The following EP400 variants were observed in gnomAD, a reference collection of about 807,000 sequenced individuals.
The protein encoded by EP400 is E1A binding protein p400, also known as E1A-binding protein p400.
In EP400, 105 loss-of-function variants were observed where a neutral mutation model predicts 354.1. The ratio of observed to expected loss-of-function variants is 0.30; its 90% CI spans 0.25 to 0.35. EP400 has a LOEUF of 0.35. EP400 is among the 10% of genes least tolerant of loss of function. EP400 has a pLI of 1.00. For synonymous variants in EP400, 1,646 were observed against 1,716.9 expected (o/e 0.96, Z 1.02); for missense variants, 3,280 against 4,121.0 (o/e 0.80, Z 5.59).
At position 132,013,815 on chromosome 12, in the gene EP400, T is replaced by C. The variant is rs1893838734; in HGVS notation, c.3825T>C (p.Asp1275=). The change falls in exon 19 of 53, where the codon GAT becomes GAC. Residue 1275 remains aspartate (D), a synonymous_variant. Transcript: ENST00000389561. This position sits in a 1 kb window ranked among gnomAD's most constrained non-coding sequence, Gnocchi z 4.5. ...QPFILRRTKR[D]VEKQLTKKYE... The stretch of plus-strand genomic sequence containing the variant: ...TTATTTTGAGGAGAACTAAGAGAGA[T>C]GTGGAAAAGCAACTAACAAAGAAAT... 1.2e-6 allele frequency: 2 copies of C among 1,614,214 alleles called. No individual in the cohort carries two copies. Among genetic ancestry groups the C allele is most frequent in the Admixed American group, 1.7e-5 (1 of 60,016 alleles).
intron 1 of EP400, among the ~76,000 whole-genome samples, chr12:131,950,630 C>T (rs1333311020): frequency 1.3e-5 from 2 of 152,230 alleles, no homozygotes; most frequent in African/African-American, 4.8e-5. Context: ...CGGTCCTCCA[C>T]GGCGGAGCCT....
chr12:131,984,107 A>G (rs1405819029), intron 5 of EP400, among the ~76,000 whole-genome samples: 1 of 152,106 alleles, frequency 6.6e-6, no homozygotes, highest in Non-Finnish European at 1.5e-5. Context: ...TCCATGGGTT[A>G]GGCTGGTCTT....
In EP400 at chr12:132,050,729, T is replaced by G. The variant is rs1895259618; in HGVS notation, c.7394+74T>G. ...TCCAGTGTCATCTAAGTTCAGTGAG[T>G]TCAGCAAATCGTTGTGCACTTAGCG... is the stretch of plus-strand genomic sequence containing the variant. On this transcript the variant is annotated intron_variant, in intron 41 of 52. Transcript: ENST00000389561. This position sits in a 1 kb window ranked among gnomAD's most constrained non-coding sequence, Gnocchi z 4.8. 6.3e-7 allele frequency: 1 copy of G among 1,579,508 alleles called. No individual in the cohort carries two copies. Among genetic ancestry groups the G allele is most frequent in the Admixed American group, 1.7e-5 (1 of 59,934 alleles).
rs1052934144 is a variant in EP400 at position 131,991,423 on chromosome 12, T to A, written c.2646T>A (p.Pro882=). The A allele has an allele frequency of 1.2e-6, 2 of 1,613,946 alleles. No individual in the cohort carries two copies. The highest frequency in any genetic ancestry group is 1.7e-6 in the Non-Finnish European group (2 of 1,179,982). The change falls in exon 10 of 53, where the codon CCT becomes CCA. Residue 882 remains proline, a synonymous_variant. Coordinates refer to ENST00000389561, the MANE Select transcript of EP400 (RefSeq NM_015409.5). The part of the protein sequence containing the change: ...KVSRRGKELR[P]KGFDALQESS... ...TCTCTCTAGGGAAAGAATTGAGACC[T>A]AAAGGATTTGACGCATTACAGGAAA...
Position 132,050,451 on chromosome 12 carries a change from C to G in EP400, c.7329C>G (p.Ile2443Met). The G allele has an allele frequency of 6.2e-7, 1 of 1,614,202 alleles. No homozygotes were observed. Among genetic ancestry groups the G allele is most frequent in the African/African-American group, 1.3e-5 (1 of 75,050 alleles). Reference protein sequence around the residue: ...KMTAGKRSPPIKPLLGMNPFQ... With the variant: ...KMTAGKRSPPMKPLLGMNPFQ... ...CTGCTGGCAAGAGGAGTCCCCCAATCAAACCTCTGTATGTTTCCTGAGTGC... is the reference window on the plus strand; with the variant it reads ...CTGCTGGCAAGAGGAGTCCCCCAATGAAACCTCTGTATGTTTCCTGAGTGC... Residue 2443 changes from isoleucine (I) to methionine (M), a missense_variant, in exon 40 of 53, where the codon ATC becomes ATG. By Grantham distance (10) the Ile-to-Met change is conservative (BLOSUM62 1). Around this residue, in one of 20 missense-constraint regions of EP400, gnomAD observed 29 missense variants for 86.0 expected, o/e 0.34. Transcript: ENST00000389561. The surrounding 1 kb of genome is among the most constrained non-coding windows in gnomAD (Gnocchi z 4.8).
intron 2 of EP400, among the ~76,000 whole-genome samples, chr12:131,978,804 A>C (rs1892571438): frequency 6.6e-6 from 1 of 152,086 alleles, no homozygotes; most frequent in African/African-American, 2.4e-5. Flanking sequence ...AAGCCACCAC[A>C]CCTGGTGATG....
At position 131,960,988 on chromosome 12, in the gene EP400, C is replaced by A. The variant is rs750679535; in HGVS notation, c.369C>A (p.Val123=). The A allele has an allele frequency of 6.2e-7, 1 of 1,607,222 alleles. No individual in the cohort carries two copies. The change falls in exon 2 of 53, where the codon GTC becomes GTA. Residue 123 remains valine (V), a synonymous_variant. Transcript: ENST00000389561. ...FEHGSPSYIQ[V]TSPLSQQVQT... is the part of the protein sequence containing the mutation. Reference sequence around the variant, plus strand: ...ATGGGTCTCCATCATACATTCAGGTCACGTCCCCCTTGTCCCAGCAGGTCC... The same window carrying A: ...ATGGGTCTCCATCATACATTCAGGTAACGTCCCCCTTGTCCCAGCAGGTCC...
In EP400 at chr12:131,990,410, G is replaced by A. The variant is rs142182967; in HGVS notation, c.2551-226G>A. 2.6e-5 allele frequency among the ~76,000 whole-genome samples: 4 copies of A among 152,276 alleles called. No individual in the cohort carries two copies. In the East Asian group the frequency reaches 5.8e-4, roughly 22 times the overall value. The stretch of plus-strand genomic sequence containing the variant: ...CACCACGGTTACTTCTAGAGCGGTC[G>A]CTCGCTCACTTGCTTTCCTTTTTTG... On this transcript the variant is annotated intron_variant, in intron 8 of 52. Coordinates refer to ENST00000389561, the MANE Select transcript of EP400 (RefSeq NM_015409.5). This position sits in a 1 kb window ranked among gnomAD's most constrained non-coding sequence, Gnocchi z 4.2.
chr12:132,031,334 TG>T, intron 29 of EP400: 1 of 519,178 alleles, frequency 1.9e-6, no homozygotes, highest in South Asian at 1.4e-5. Context: ...TGTTTTCTTT[TG>T]GGGCCTACAA....
At chr12:131,993,648 G>A (rs776274939) in intron 11 of EP400, among the ~76,000 whole-genome samples, 35 of 152,182 alleles carry the variant, frequency 2.3e-4, no homozygotes, top group Non-Finnish European at 3.7e-4. Flanking sequence ...TTATGTGAAC[G>A]TACAAAGTAC....
chr12:131,979,599 A>G (rs1892609367), intron 2 of EP400, 95 bp from the exon 3 acceptor site: 1 of 1,042,874 alleles, frequency 9.6e-7, no homozygotes. Flanking sequence ...TTAGAAAGGA[A>G]GGAGGTCGAT....
chr12:132,011,677 A>G (rs749808668), intron 16 of EP400, 43 bp downstream of exon 16: 5 of 1,562,228 alleles, frequency 3.2e-6, no homozygotes, highest in Admixed American at 2.1e-5. Flanking sequence ...ACAGAAAGCC[A>G]TGTTAATTTT....
At chr12:132,066,993 C>T (rs769141182) in intron 49 of EP400, 24 bp downstream of exon 49, 140 of 1,549,674 alleles carry the variant, frequency 9.0e-5, no homozygotes, top group Non-Finnish European at 1.1e-4. Context: ...CACACCCTCC[C>T]GTCCTGGGCT....
intron 12 of EP400, among the ~76,000 whole-genome samples, chr12:131,995,507 G>A (rs1893178271): frequency 6.7e-6 from 1 of 149,730 alleles, no homozygotes; most frequent in African/African-American, 2.5e-5. Flanking sequence ...ACCACAGCTT[G>A]ACTGAATGTA....
At chr12:132,044,003 G>A (rs1467777227) in intron 34 of EP400, among the ~76,000 whole-genome samples, 174 bp from the exon 35 acceptor site, 1 of 152,196 alleles carries the variant, frequency 6.6e-6, no homozygotes, top group Admixed American at 6.5e-5. Flanking sequence ...TTCTGCCCTC[G>A]ATGTCTTTGA....
At chr12:132,056,051 A>C (rs1316476799) in intron 45 of EP400, among the ~76,000 whole-genome samples, 1 of 152,030 alleles carries the variant, frequency 6.6e-6, no homozygotes, top group African/African-American at 2.4e-5. Context: ...CGGTAGGTGC[A>C]GCCCACCCAG....
Position 132,064,738 on chromosome 12 carries a change from C to A in EP400, c.8405C>A (p.Ser2802Tyr). Residue 2802 changes from serine to tyrosine, a missense_variant, in exon 48 of 53, where the codon TCT (serine) becomes TAT (tyrosine). Physicochemically the swap from Ser to Tyr is moderately radical, Grantham distance 144. Around this residue, in one of 20 missense-constraint regions of EP400, gnomAD observed 86 missense variants for 66.4 expected, o/e 1.29. Coordinates refer to ENST00000389561, the MANE Select transcript of EP400 (RefSeq NM_015409.5). ...PPQPPPPQAQ[S>Y]APPQPTAQVQ... is the part of the protein sequence containing the mutation. The stretch of plus-strand genomic sequence containing the variant: ...CAGCCCCCACCGCCACAGGCCCAGT[C>A]TGCGCCCCCGCAGCCAACAGCCCAA... The A allele has an allele frequency of 6.2e-7, 1 of 1,613,696 alleles. No homozygotes were observed. Among genetic ancestry groups the A allele is most frequent in the Non-Finnish European group, 8.5e-7 (1 of 1,179,934 alleles).
chr12:132,000,518 GTCT>G (rs1296130643), intron 12 of EP400, among the ~76,000 whole-genome samples: 2 of 152,052 alleles, frequency 1.3e-5, no homozygotes, highest in Non-Finnish European at 2.9e-5. Context: ...ACTGATTTTT[GTCT>G]TCTTGCTCTA....
Position 132,066,922 on chromosome 12 carries a change from A to G in EP400, c.8702A>G (p.Asn2901Ser). The stretch of plus-strand genomic sequence containing the variant: ...CCGGGAGTCACCACCCTGCCCATGA[A>G]CGTCGCGGGGATCAGCGTGGCGATC... ...SSPGVTTLPM[N>S]VAGISVAIGQ... is the part of the protein sequence containing the mutation. The change falls in exon 49 of 53, where the codon AAC becomes AGC. Residue 2901 changes from asparagine (N) to serine (S), a missense_variant. By Grantham distance (46) the Asn-to-Ser change is conservative. Around this residue, in one of 20 missense-constraint regions of EP400, gnomAD observed 279 missense variants for 386.7 expected, o/e 0.72. Transcript: ENST00000389561. The G allele has an allele frequency of 6.2e-7, 1 of 1,610,016 alleles. No individual in the cohort carries two copies. The highest frequency in any genetic ancestry group is 8.5e-7 in the Non-Finnish European group (1 of 1,178,264).
Sources: gnomAD v4.1 joint callset for allele counts (sites outside exome capture counted in the v4.1 genomes callset) on GRCh38, gnomAD v4.1.1 for gene constraint, gnomAD v4.1.1 regional missense constraint, Gnocchi (gnomAD v3.1) non-coding constraint, MANE v1.5 for transcripts, NCBI Gene and HGNC (gene_info 2026-07-23, HGNC 2026-07-21) for gene names.